Variants in AGRN observed in about 807,000 individuals in gnomAD.
AGRN encodes agrin, also known as agrin proteoglycan.
AGRN carries 106 observed loss-of-function variants against 211.0 expected under a neutral mutation model. The ratio of observed to expected loss-of-function variants is 0.50; its 90% confidence interval spans 0.43 to 0.59. The LOEUF (loss-of-function observed/expected upper bound fraction) is 0.59, where lower values mean the gene tolerates loss of function less well. AGRN is among the 20% of genes least tolerant of loss of function. The pLI is 0.00. For synonymous variants in AGRN, 1,525 were observed against 1,332.5 expected, an observed-to-expected ratio of 1.14 and a Z score of -3.15; for missense variants, 3,040 against 2,982.6, an observed-to-expected ratio of 1.02 and a Z score of -0.45.
At position 1,020,297 on chromosome 1, in the gene AGRN, A is replaced by C. The variant is rs757604648; in HGVS notation, c.125A>C (p.Glu42Ala). 137 of 1,476,170 alleles carry C rather than the reference A, an allele frequency of 9.3e-5. 1 individual carries two copies. The East Asian group carries it at 2.6e-3, about 28-fold the overall frequency. 91.4% of individuals were successfully genotyped at this position (1,476,170 alleles called of 1,614,324 possible). A position where few individuals can be genotyped will look rare whatever the true frequency, so the allele number is the denominator to read the frequency against. Residue 42 changes from glutamate (E) to alanine (A), a missense_variant, in exon 1 of 36, where the codon GAG becomes GCG. Physicochemically the swap from Glu to Ala is moderately radical, Grantham distance 107. Around this residue, in one of 3 missense-constraint regions of AGRN, gnomAD observed 1,498 missense variants for 1,457.8 expected, o/e 1.03. Coordinates refer to ENST00000379370, the MANE Select transcript of AGRN (RefSeq NM_198576.4). ...PERALERREE[E>A]ANVVLTGTVE... ...CGCGCGCTGGAGCGGCGCGAGGAGGAGGCGAACGTGGTGCTCACCGGGACG... is the reference window on the plus strand; with the variant it reads ...CGCGCGCTGGAGCGGCGCGAGGAGGCGGCGAACGTGGTGCTCACCGGGACG...
At chr1:1,022,520 G>C in intron 2 of AGRN, 58 bp downstream of exon 2, 5 of 1,508,424 alleles carry the variant, frequency 3.3e-6, no homozygotes, top group Non-Finnish European at 3.6e-6. Flanking sequence ...GGCCAAGGGG[G>C]ACAGGTTGCA....
At position 1,051,518 on chromosome 1, in the gene AGRN, C is replaced by A. The variant is rs1320125963; in HGVS notation, c.5436C>A (p.Ser1812=). The A allele has an allele frequency of 6.4e-7, 1 of 1,568,352 alleles. No individual in the cohort carries two copies. Among genetic ancestry groups the A allele is most frequent in the Non-Finnish European group, 8.6e-7 (1 of 1,158,704 alleles). Residue 1812 remains serine (S), a synonymous_variant, in exon 32 of 36, where the codon TCC becomes TCA. Coordinates refer to ENST00000379370, the MANE Select transcript of AGRN (RefSeq NM_198576.4). ...TGCTGCGGCAGGTGGACGTCACGTCCTTTGCAGGTCACCCCTGCACCCGGG... is the reference window on the plus strand; with the variant it reads ...TGCTGCGGCAGGTGGACGTCACGTCATTTGCAGGTCACCCCTGCACCCGGG... ...EHVLRQVDVT[S]FAGHPCTRAS... is the part of the protein sequence containing the mutation.
At chr1:1,022,170 C>T (rs1440434749) in intron 1 of AGRN, 31 bp from the exon 2 acceptor site, 2 of 1,612,804 alleles carry the variant, frequency 1.2e-6, no homozygotes, top group Non-Finnish European at 8.5e-7. Flanking sequence ...CAGGAGAGGA[C>T]TAATGACACC....
In AGRN at chr1:1,055,091, G is replaced by C; in HGVS notation, c.*110G>C. On this transcript the variant is annotated 3_prime_UTR_variant, in exon 36 of 36. Coordinates refer to ENST00000379370, the MANE Select transcript of AGRN (RefSeq NM_198576.4). The stretch of plus-strand genomic sequence containing the variant: ...TGTTGGCCGGAGGGACTGCTGGCCC[G>C]GCCTCCCTTCCGTCCAGGCAGCCGT... 3 of 1,485,838 alleles carry C rather than the reference G, an allele frequency of 2.0e-6. No individual in the cohort carries two copies. The Admixed American group carries it at 5.9e-5, about 29-fold the overall frequency. The allele number at this position is 1,485,838 out of a possible 1,614,324, so 92.0% of individuals were successfully genotyped here.
chr1:1,038,464 G>C (rs1644852947), intron 3 of AGRN, among the ~76,000 whole-genome samples: 1 of 152,236 alleles, frequency 6.6e-6, no homozygotes. Context: ...TCACCCTGGT[G>C]AGCTGCCATC....
At chr1:1,052,771 A>C (rs533911499) in intron 33 of AGRN, 1 of 101,882 alleles carries the variant, frequency 9.8e-6, no homozygotes, top group East Asian at 3.0e-4. Context: ...ATGTGTGTAT[A>C]GTGTGTGCAC....
chr1:1,034,644 G>A, intron 2 of AGRN: 1 of 988,302 alleles, frequency 1.0e-6, no homozygotes, highest in Non-Finnish European at 1.2e-6. Flanking sequence ...TGCAACGCCT[G>A]CCTGATCCTG....
chr1:1,049,657 C>A lies in AGRN; in HGVS notation c.4606C>A (p.Pro1536Thr). The A allele has an allele frequency of 5.1e-6, 8 of 1,580,798 alleles. No homozygotes were observed. Among genetic ancestry groups the A allele is most frequent in the Non-Finnish European group, 6.0e-6 (7 of 1,164,456 alleles). The change falls in exon 26 of 36, where the codon CCG becomes ACG. Residue 1536 changes from proline (P) to threonine (T), a missense_variant. By Grantham distance (38) the Pro-to-Thr change is conservative. Coordinates refer to ENST00000379370, the MANE Select transcript of AGRN (RefSeq NM_198576.4). Reference protein sequence around the residue: ...NNQRLELGIGPGAATRGSGVG... With the variant: ...NNQRLELGIGTGAATRGSGVG... ...CCAGCGCCTGGAGCTTGGCATTGGG[C>A]CGGGGGCTGCCACCCGAGGCTCTGG...
intron 5 of AGRN, 27 bp downstream of exon 5, chr1:1,041,424 C>G (rs558553667): frequency 2.4e-4 from 369 of 1,547,612 alleles, no homozygotes; most frequent in Non-Finnish European, 3.0e-4. Context: ...GCGCACGGCT[C>G]GAGCTCTGTG....
intron 7 of AGRN, among the ~76,000 whole-genome samples, chr1:1,042,813 G>A (rs2710873): frequency 0.12 from 18,074 of 152,042 alleles, 1,395 homozygotes; most frequent in Non-Finnish European, 0.16. Flanking sequence ...CTCAGAGCAA[G>A]TGGACAGACA....
intron 3 of AGRN, among the ~76,000 whole-genome samples, chr1:1,037,726 G>A (rs1010419628): frequency 6.6e-5 from 10 of 152,346 alleles, no homozygotes; most frequent in Non-Finnish European, 1.5e-4. Flanking sequence ...GAGGGGCCAT[G>A]TGGGCAGGTG....
At chr1:1,022,015 C>A (rs1341452203) in intron 1 of AGRN, among the ~76,000 whole-genome samples, 186 bp from the exon 2 acceptor site, 1 of 152,264 alleles carries the variant, frequency 6.6e-6, no homozygotes, top group Non-Finnish European at 1.5e-5. Context: ...AGCGTTCCCG[C>A]ATGGGCTGTG....
At chr1:1,034,950 A>G (rs947941782) in intron 2 of AGRN, 4 of 465,734 alleles carry the variant, frequency 8.6e-6, no homozygotes, top group Middle Eastern at 5.9e-4. Context: ...GGCTACACTG[A>G]GAGCCGGCAG....
chr1:1,023,367 A>G (rs770558074), intron 2 of AGRN, among the ~76,000 whole-genome samples: 18 of 152,144 alleles, frequency 1.2e-4, no homozygotes, highest in Non-Finnish European at 2.1e-4. Flanking sequence ...GGGGAGGGGC[A>G]GCACCCAAAA....
Position 1,049,586 on chromosome 1 carries a change from T to A in AGRN, c.4535T>A (p.Val1512Glu). ...QAAVALERTFVGAGLRGCIRL... is the reference protein window; with the variant it reads ...QAAVALERTFEGAGLRGCIRL... ...GGCAGGGCGCTGGAGCGGACCTTCG[T>A]GGGCGCCGGCCTGAGGGGGTGCATC... Residue 1512 changes from valine to glutamate, a missense_variant, in exon 26 of 36, where the codon GTG (valine) becomes GAG (glutamate). This residue lies in a region of AGRN where 1,537 missense variants were observed against 1,505.0 expected (regional missense o/e 1.02). Coordinates refer to ENST00000379370, the MANE Select transcript of AGRN (RefSeq NM_198576.4). The A allele has an allele frequency of 6.3e-7, 1 of 1,590,420 alleles. No homozygotes were observed. Among genetic ancestry groups the A allele is most frequent in the Non-Finnish European group, 8.5e-7 (1 of 1,169,600 alleles).
chr1:1,046,623 C>G lies in AGRN; in HGVS notation c.3138C>G (p.Pro1046=). Residue 1046 remains proline (P), a synonymous_variant, in exon 18 of 36, where the codon CCC becomes CCG. Coordinates refer to ENST00000379370, the MANE Select transcript of AGRN (RefSeq NM_198576.4). ...TGCTGACGGTGCCCCCCACGGCACC[C>G]TCCCCTGCACCCAGCCTGGTGGCGT... ...WPVLTVPPTA[P]SPAPSLVASA... The G allele has an allele frequency of 6.2e-7, 1 of 1,602,094 alleles. No individual in the cohort carries two copies. Among genetic ancestry groups the G allele is most frequent in the Non-Finnish European group, 8.5e-7 (1 of 1,178,996 alleles).
chr1:1,045,916 G>T, intron 15 of AGRN, 40 bp downstream of exon 15: 1 of 1,610,902 alleles, frequency 6.2e-7, no homozygotes, highest in Non-Finnish European at 8.5e-7. Context: ...TTCATGGGGT[G>T]GGGTGGGGTC....
intron 2 of AGRN, among the ~76,000 whole-genome samples, chr1:1,033,869 T>C (rs1182727104): frequency 6.7e-6 from 1 of 149,276 alleles, no homozygotes; most frequent in Non-Finnish European, 1.5e-5. Context: ...GCGTTCCCTT[T>C]TGTGCGGCGC....
At chr1:1,022,722 C>T (rs979534509) in intron 2 of AGRN, among the ~76,000 whole-genome samples, 1 of 152,272 alleles carries the variant, frequency 6.6e-6, no homozygotes, top group African/African-American at 2.4e-5. Flanking sequence ...CCTGCCTCCT[C>T]CCCTCCTCCC....
Sources: gnomAD v4.1 joint callset for allele counts (sites outside exome capture counted in the v4.1 genomes callset) on GRCh38, gnomAD v4.1.1 for gene constraint, gnomAD v4.1.1 regional missense constraint, MANE v1.5 for transcripts, NCBI Gene and HGNC (gene_info 2026-07-23, HGNC 2026-07-21) for gene names.